NRP2: variants seen among roughly 807,000 people sequenced by gnomAD.
The protein encoded by NRP2 is neuropilin-2.
NRP2 carries 52 observed loss-of-function variants against 110.4 expected under a neutral mutation model. That is an observed-to-expected ratio of 0.47 (90% CI 0.38 to 0.59). The LOEUF (loss-of-function observed/expected upper bound fraction) is 0.59. Ranked by LOEUF, NRP2 falls within the 20% of genes least tolerant of loss-of-function variation. NRP2 has a pLI of 0.00. For synonymous variants in NRP2, 508 were observed against 468.9 expected (o/e 1.08, Z -1.08); for missense variants, 1,049 against 1,203.0 (o/e 0.87, Z 1.89).
chr2:205,724,654 CTTTTTTTTTTTT>C (rs35094496), intron 5 of NRP2, among the ~76,000 whole-genome samples: 7 of 80,348 alleles, frequency 8.7e-5, no homozygotes, highest in African/African-American at 3.6e-4. Context: ...CAAACGATAA[CTTTTTTTTTTTT>C]TTTTTTTTTT....
intron 15 of NRP2, among the ~76,000 whole-genome samples, chr2:205,774,932 G>A (rs966106681): frequency 3.3e-5 from 5 of 152,104 alleles, no homozygotes; most frequent in Non-Finnish European, 7.4e-5. Context: ...GAATCTTAGG[G>A]TGGGTAGTGT....
At chr2:205,738,054 G>T (rs1368322887) in intron 7 of NRP2, among the ~76,000 whole-genome samples, 1 of 152,236 alleles carries the variant, frequency 6.6e-6, no homozygotes, top group African/African-American at 2.4e-5. Context: ...TGCCTGCCAA[G>T]GCTGAGAAAT....
intron 1 of NRP2, 108 bp downstream of exon 1, chr2:205,683,471 T>TA: frequency 1.3e-6 from 1 of 784,786 alleles, no homozygotes; most frequent in Non-Finnish European, 2.2e-6. Context: ...GCTCCCTCAG[T>TA]ACTCAATAAT....
At chr2:205,783,406 T>G (rs529961861) in intron 15 of NRP2, among the ~76,000 whole-genome samples, 122 of 152,360 alleles carry the variant, frequency 8.0e-4, no homozygotes, top group African/African-American at 2.8e-3. Context: ...GTTATTTATT[T>G]ATGTTTTCTA....
At chr2:205,740,394 T>A in intron 7 of NRP2, 125 bp from the exon 8 acceptor site, 1 of 970,176 alleles carries the variant, frequency 1.0e-6, no homozygotes, top group East Asian at 2.5e-5. Context: ...ACATACCCAC[T>A]GATTATTTTT....
chr2:205,775,024 T>A (rs1324181640), intron 15 of NRP2, among the ~76,000 whole-genome samples: 1 of 152,072 alleles, frequency 6.6e-6, no homozygotes, highest in Non-Finnish European at 1.5e-5. Flanking sequence ...GTAGGACCAC[T>A]AATGCATGAA....
intron 8 of NRP2, among the ~76,000 whole-genome samples, chr2:205,742,028 G>T (rs1461216011): frequency 1.3e-5 from 2 of 152,194 alleles, no homozygotes; most frequent in Non-Finnish European, 2.9e-5. Flanking sequence ...ATCAGTTTAT[G>T]CTAATCCTGT....
At chr2:205,758,607 T>C (rs2057771494) in intron 12 of NRP2, among the ~76,000 whole-genome samples, 1 of 152,224 alleles carries the variant, frequency 6.6e-6, no homozygotes, top group South Asian at 2.1e-4. Context: ...TCCCAGGCGA[T>C]TGTTTTCCCT....
chr2:205,749,817 G>A lies in NRP2; in HGVS notation c.1879G>A (p.Gly627Arg), dbSNP rs202118866. 1.7e-5 allele frequency: 27 copies of A among 1,614,050 alleles called. No homozygotes were observed. The highest frequency in any genetic ancestry group is 2.3e-5 in the Non-Finnish European group (27 of 1,179,922). ...YPTEEEATEC[G>R]ENCSFEDDKD... ...CACCGAAGAGGAGGCCACAGAGTGT[G>A]GGGAGAACTGCAGCTTTGAGGATGG... Residue 627 changes from glycine to arginine, a missense_variant, in exon 11 of 17, where the codon GGG becomes AGG. Physicochemically the swap from Gly to Arg is moderately radical, Grantham distance 125 (BLOSUM62 -2). Coordinates refer to ENST00000357785, the MANE Select transcript of NRP2 (RefSeq NM_003872.3).
At chr2:205,684,250 C>A (rs1040302141) in intron 1 of NRP2, among the ~76,000 whole-genome samples, 17 of 152,112 alleles carry the variant, frequency 1.1e-4, no homozygotes, top group Middle Eastern at 3.2e-3. Context: ...ATGGGGAATG[C>A]AGTGGGGTTT....
chr2:205,793,668 T>C lies in NRP2; in HGVS notation c.2477-1086T>C, dbSNP rs116293259. Among the ~76,000 whole-genome samples, 1,182 of 152,336 alleles carry C rather than the reference T, an allele frequency of 7.8e-3. 17 individuals carry two copies. The highest frequency in any genetic ancestry group is 0.027 in the African/African-American group (1,108 of 41,584). ...ATTCTCCTGTTCATACGATGTTCTC[T>C]CATGTGTGTGTCTCAGAATTTCCCC... On this transcript the variant is annotated intron_variant, in intron 16 of 16. Coordinates refer to ENST00000357785, the MANE Select transcript of NRP2 (RefSeq NM_003872.3).
At chr2:205,716,105 T>C in intron 2 of NRP2, 88 bp from the exon 3 acceptor site, 1 of 1,392,250 alleles carries the variant, frequency 7.2e-7, no homozygotes, top group Middle Eastern at 1.8e-4. Context: ...CTTCTGCAAA[T>C]GAATAGAGAG....
chr2:205,762,749 T>A (rs872943), intron 12 of NRP2, among the ~76,000 whole-genome samples: 5 of 152,064 alleles, frequency 3.3e-5, no homozygotes, highest in Non-Finnish European at 5.9e-5. Flanking sequence ...AATGGTCCTG[T>A]ACAAGTTGGA....
intron 10 of NRP2, among the ~76,000 whole-genome samples, chr2:205,748,364 TG>T (rs2057578222): frequency 6.6e-6 from 1 of 152,216 alleles, no homozygotes; most frequent in South Asian, 2.1e-4. Context: ...ACCTGTTAGT[TG>T]GTTTGTGTTT....
intron 11 of NRP2, 67 bp downstream of exon 11, chr2:205,749,908 G>A: frequency 7.8e-7 from 1 of 1,279,980 alleles, no homozygotes; most frequent in Non-Finnish European, 1.1e-6. Context: ...GCCTGTGGCT[G>A]GACAGGGACC....
chr2:205,772,755 G>A (rs1575663194), intron 15 of NRP2, among the ~76,000 whole-genome samples: 2 of 152,126 alleles, frequency 1.3e-5, no homozygotes, highest in Non-Finnish European at 1.5e-5. Context: ...GCAATGGCTC[G>A]ATCACCCCCA....
At chr2:205,752,807 C>T (rs758665537) in intron 11 of NRP2, 28 bp from the exon 12 acceptor site, 1 of 1,613,562 alleles carries the variant, frequency 6.2e-7, no homozygotes, top group South Asian at 1.1e-5. Flanking sequence ...CATTTGCCTT[C>T]CTTTGGGTTA....
At chr2:205,715,580 G>C (rs550738607) in intron 2 of NRP2, among the ~76,000 whole-genome samples, 1 of 152,172 alleles carries the variant, frequency 6.6e-6, no homozygotes, top group Non-Finnish European at 1.5e-5. Flanking sequence ...GCCCACGGGT[G>C]GGGAGTCTTT....
chr2:205,743,177 C>G (rs1403117684), intron 8 of NRP2, 26 bp from the exon 9 acceptor site: 2 of 1,606,490 alleles, frequency 1.2e-6, no homozygotes, highest in Non-Finnish European at 8.5e-7. Flanking sequence ...GCCATGACCT[C>G]TTGTATCTTC....
Sources: allele counts gnomAD v4.1 joint callset (sites outside exome capture counted in the v4.1 genomes callset), GRCh38; gene constraint gnomAD v4.1.1; transcripts MANE v1.5; gene names NCBI Gene and HGNC (gene_info 2026-07-23, HGNC 2026-07-21).